The following CNTN4 variants were observed in gnomAD, a reference collection of about 807,000 sequenced individuals.
The protein encoded by CNTN4 is contactin-4.
CNTN4 carries 77 observed loss-of-function variants against 122.5 expected under a neutral mutation model. The observed-to-expected ratio is 0.63, with a 90% confidence interval of 0.52 to 0.76. The LOEUF (loss-of-function observed/expected upper bound fraction) is 0.76, where lower values mean the gene tolerates loss of function less well. Among genes scored for constraint, CNTN4 ranks in the 30% least tolerant of loss-of-function variants. The pLI is 0.00. For missense variants in CNTN4, 1,256 were observed against 1,259.1 expected, an observed-to-expected ratio of 1.00 and a Z score of 0.04; for synonymous variants, 512 against 447.0, an observed-to-expected ratio of 1.15 and a Z score of -1.83.
At chr3:2,793,514 G>A (rs1468272191) in intron 6 of CNTN4, among the ~76,000 whole-genome samples, 1 of 152,070 alleles carries the variant, frequency 6.6e-6, no homozygotes, top group Non-Finnish European at 1.5e-5. Context: ...CATGAAATAT[G>A]ACGTGGTTTT....
At chr3:2,964,456 G>C (rs950507185) in intron 13 of CNTN4, among the ~76,000 whole-genome samples, 4 of 152,130 alleles carry the variant, frequency 2.6e-5, no homozygotes, top group Admixed American at 2.6e-4. Flanking sequence ...TGGAAGACTT[G>C]AGGTGAAATT....
At position 2,977,521 on chromosome 3, in the gene CNTN4, G is replaced by A. The variant is rs574963958; in HGVS notation, c.1359-10824G>A. Among the ~76,000 whole-genome samples the A allele has an allele frequency of 2.0e-4, 31 of 151,802 alleles. 1 individual carries two copies. Among genetic ancestry groups the A allele is most frequent in the African/African-American group, 6.0e-4 (25 of 41,362 alleles). ...CTCATTTGATTGTTATTATATCACCGAGAGAGCAATAATTGCAAGTCTCTG... is the reference window on the plus strand; with the variant it reads ...CTCATTTGATTGTTATTATATCACCAAGAGAGCAATAATTGCAAGTCTCTG... On this transcript the variant is annotated intron_variant, in intron 13 of 24. Coordinates refer to ENST00000418658, the MANE Select transcript of CNTN4 (RefSeq NM_175607.3).
At position 2,451,645 on chromosome 3, in the gene CNTN4, A is replaced by C. The variant is rs185298749; in HGVS notation, c.-89+112412A>C. Among the ~76,000 whole-genome samples, 437 of 152,230 alleles carry C rather than the reference A, an allele frequency of 2.9e-3. 2 individuals carry two copies. The highest frequency in any genetic ancestry group is 9.9e-3 in the African/African-American group (411 of 41,562). ...ATATAAATGTAGTTATCCTCACGAT[A>C]GTTTAAAAATAATCATTTTCATGCA... On this transcript the variant is annotated intron_variant, in intron 3 of 24. Transcript: ENST00000418658.
At chr3:2,257,043 A>G (rs1276137033) in intron 2 of CNTN4, among the ~76,000 whole-genome samples, 2 of 151,752 alleles carry the variant, frequency 1.3e-5, no homozygotes, top group African/African-American at 4.8e-5. Context: ...AAACTATACG[A>G]CAAGGCTACA....
intron 3 of CNTN4, among the ~76,000 whole-genome samples, chr3:2,501,345 CT>C (rs2076589659): frequency 6.6e-6 from 1 of 152,304 alleles, no homozygotes; most frequent in Non-Finnish European, 1.5e-5. Flanking sequence ...AGATTTTACC[CT>C]CTGTATCCAT....
At chr3:2,459,706 A>C in intron 3 of CNTN4, among the ~76,000 whole-genome samples, 1 of 152,092 alleles carries the variant, frequency 6.6e-6, no homozygotes, top group East Asian at 1.9e-4. Context: ...AAAGTGTTTA[A>C]GTCTTTTATT....
intron 2 of CNTN4, among the ~76,000 whole-genome samples, chr3:2,168,855 G>GT (rs2149220354): frequency 6.6e-6 from 1 of 152,186 alleles, no homozygotes; most frequent in South Asian, 2.1e-4. Flanking sequence ...GAACCACTTT[G>GT]TTTTTTCGAA....
intron 2 of CNTN4, among the ~76,000 whole-genome samples, chr3:2,120,405 A>ATATATATATATATATATATATATTTT (rs1428527983): frequency 1.7e-4 from 7 of 40,856 alleles, no homozygotes; most frequent in Admixed American, 3.2e-4. Context: ...ATATATATAT[A>ATATATATATATATATATATATATTTT]TTTTTTTTTT....
At chr3:2,653,096 A>G (rs1383501169) in intron 4 of CNTN4, among the ~76,000 whole-genome samples, 1 of 152,158 alleles carries the variant, frequency 6.6e-6, no homozygotes, top group Non-Finnish European at 1.5e-5. Flanking sequence ...TGTGTGGCTT[A>G]TAAATCAGTT....
At chr3:2,692,883 A>T (rs1407575891) in intron 4 of CNTN4, among the ~76,000 whole-genome samples, 1 of 152,030 alleles carries the variant, frequency 6.6e-6, no homozygotes, top group African/African-American at 2.4e-5. Context: ...GTAGCCTAAA[A>T]AAACTAATGA....
chr3:2,935,922 G>C (rs1248485651), intron 13 of CNTN4, among the ~76,000 whole-genome samples: 1 of 152,118 alleles, frequency 6.6e-6, no homozygotes, highest in Non-Finnish European at 1.5e-5. Context: ...AGGAGAAGGT[G>C]GTGGTAGTAT....
chr3:2,622,261 A>G (rs1403118841), intron 4 of CNTN4, among the ~76,000 whole-genome samples: 5 of 152,200 alleles, frequency 3.3e-5, no homozygotes, highest in Non-Finnish European at 5.9e-5. Flanking sequence ...AGCTGAAAAC[A>G]TAGTCTCCTT....
intron 3 of CNTN4, among the ~76,000 whole-genome samples, chr3:2,421,028 A>G (rs1435167374): frequency 2.0e-5 from 3 of 152,154 alleles, no homozygotes; most frequent in South Asian, 4.1e-4. Flanking sequence ...CTTCTGGGAA[A>G]ACTCAAACTA....
At position 2,973,354 on chromosome 3, in the gene CNTN4, A is replaced by G. The variant is rs564612265; in HGVS notation, c.1359-14991A>G. ...CTTTATTGAGTTTTACAGAAAAAGT[A>G]AATACAGCTGACACAACCTCGAGAC... On this transcript the variant is annotated intron_variant, in intron 13 of 24. Transcript: ENST00000418658. Among the ~76,000 whole-genome samples, 95 of 152,140 alleles carry G rather than the reference A, an allele frequency of 6.2e-4. 2 individuals are homozygous for G. The highest frequency in any genetic ancestry group is 2.2e-3 in the African/African-American group (91 of 41,456).
chr3:2,579,890 A>C (rs1296053284), intron 4 of CNTN4, among the ~76,000 whole-genome samples: 1 of 152,196 alleles, frequency 6.6e-6, no homozygotes, highest in Non-Finnish European at 1.5e-5. Context: ...TTGCCATATT[A>C]GTTTCTTAGA....
At chr3:2,751,724 G>A (rs1279004523) in intron 6 of CNTN4, among the ~76,000 whole-genome samples, 1 of 151,926 alleles carries the variant, frequency 6.6e-6, no homozygotes, top group African/African-American at 2.4e-5. Context: ...TCTGCTTGAG[G>A]ATCTTTGTGC....
intron 4 of CNTN4, among the ~76,000 whole-genome samples, chr3:2,592,436 C>T (rs2080541091): frequency 6.6e-6 from 1 of 152,176 alleles, no homozygotes; most frequent in Non-Finnish European, 1.5e-5. Flanking sequence ...CAAATCTCAT[C>T]TTGTAGCTCC....
intron 3 of CNTN4, among the ~76,000 whole-genome samples, chr3:2,368,525 A>G (rs766483510): frequency 3.9e-5 from 6 of 152,156 alleles, no homozygotes; most frequent in Non-Finnish European, 7.3e-5. Flanking sequence ...CACCCCACAA[A>G]TTTATCGAGG....
chr3:2,627,679 G>T (rs981961612), intron 4 of CNTN4, among the ~76,000 whole-genome samples: 4 of 151,806 alleles, frequency 2.6e-5, no homozygotes, highest in East Asian at 1.9e-4. Flanking sequence ...ATTTTTAGTA[G>T]AGACGGGGTT....
Sources: gnomAD v4.1 joint callset for allele counts (sites outside exome capture counted in the v4.1 genomes callset) on GRCh38, gnomAD v4.1.1 for gene constraint, MANE v1.5 for transcripts, NCBI Gene and HGNC (gene_info 2026-07-23, HGNC 2026-07-21) for gene names.